CFI: variants seen among roughly 807,000 people sequenced by gnomAD.
The protein encoded by CFI is C3B/C4B inactivator.
In CFI, 66 loss-of-function variants were observed where a neutral mutation model predicts 78.8. The observed-to-expected ratio is 0.84, with a 90% CI of 0.69 to 1.03. The LOEUF is 1.03. Ranked by LOEUF, CFI falls within the 50% of genes least tolerant of loss-of-function variation. The probability of loss-of-function intolerance (pLI) is 0.00; values close to 1 mark genes in which losing one functional copy is unlikely to be tolerated. For missense variants in CFI, 706 were observed against 704.5 expected (o/e 1.00, Z -0.02); for synonymous variants, 250 against 232.6 (o/e 1.07, Z -0.68).
chr4:109,737,159 T>G (rs10031107), downstream of CFI, among the ~76,000 whole-genome samples: 2,411 of 152,218 alleles, frequency 0.016, 57 homozygotes, highest in African/African-American at 0.056. Context: ...TTCCAATACA[T>G]CTTCCTTGCT....
chr4:109,762,879 G>A (rs1158598264), intron 3 of CFI, among the ~76,000 whole-genome samples: 1 of 152,162 alleles, frequency 6.6e-6, no homozygotes, highest in African/African-American at 2.4e-5. Context: ...GTCTGTTCAT[G>A]AGCTTATGCA....
downstream of CFI, among the ~76,000 whole-genome samples, chr4:109,739,246 A>ATGTC (rs1319091396): frequency 2.0e-5 from 3 of 151,958 alleles, no homozygotes; most frequent in Non-Finnish European, 4.4e-5. Context: ...TGAAACATAT[A>ATGTC]TGTCTGTCTT....
At chr4:109,794,605 C>G (rs374079418) in intron 1 of CFI, among the ~76,000 whole-genome samples, 86 of 152,074 alleles carry the variant, frequency 5.7e-4, no homozygotes, top group African/African-American at 2.0e-3. Flanking sequence ...CCAGCCTGGC[C>G]AACATGGTGA....
chr4:109,772,580 CG>C (rs1299141146), intron 1 of CFI, among the ~76,000 whole-genome samples: 3 of 130,926 alleles, frequency 2.3e-5, no homozygotes, highest in African/African-American at 8.9e-5. Context: ...TGAATTTGAT[CG>C]TTTTTTTTTT....
In CFI at chr4:109,746,415, C is replaced by T; in HGVS notation, c.1236G>A (p.Val412=). The T allele has an allele frequency of 6.2e-7, 1 of 1,613,718 alleles. No individual in the cohort carries two copies. The highest frequency in any genetic ancestry group is 2.2e-5 in the East Asian group (1 of 44,876). ...PDLKRIVIEY[V]DRIIFHENYN... Reference sequence around the variant, plus strand: ...AGTTTTCATGGAAAATAATTCTATCCACGTATTCAATTACTATACGTTTAA... The same window carrying T: ...AGTTTTCATGGAAAATAATTCTATCTACGTATTCAATTACTATACGTTTAA... Residue 412 remains valine (V), a synonymous_variant, in exon 11 of 13, where the codon GTG becomes GTA. Coordinates refer to ENST00000394634, the MANE Select transcript of CFI (RefSeq NM_000204.5).
intron 1 of CFI, chr4:109,794,211 T>C (rs1731754152): frequency 6.6e-6 from 1 of 152,192 alleles, no homozygotes; most frequent in South Asian, 2.1e-4. Context: ...CCATTATTTC[T>C]TCATATATTC....
At chr4:109,732,382 A>T in the CFI span, among the ~76,000 whole-genome samples, 1 of 152,176 alleles carries the variant, frequency 6.6e-6, no homozygotes. Context: ...TTATTTTCAC[A>T]TTCTTTTCAC....
At chr4:109,757,967 A>G in intron 6 of CFI, 184 bp from the exon 7 acceptor site, 1 of 1,457,374 alleles carries the variant, frequency 6.9e-7, no homozygotes, top group South Asian at 1.3e-5. Context: ...CTGCTAAAAC[A>G]AAAAACAAAA....
chr4:109,760,474 T>C (rs976423733), intron 5 of CFI, 49 bp downstream of exon 5: 4 of 1,485,934 alleles, frequency 2.7e-6, no homozygotes, highest in Middle Eastern at 1.7e-4. Flanking sequence ...TTTCCTCTTT[T>C]AGTCAGAAAA....
downstream of CFI, among the ~76,000 whole-genome samples, chr4:109,736,702 G>C (rs982909849): frequency 3.3e-5 from 5 of 152,180 alleles, no homozygotes; most frequent in African/African-American, 1.2e-4. Flanking sequence ...AACCCACTTA[G>C]TTGAGACTGC....
chr4:109,792,783 G>A (rs184804468), intron 1 of CFI, among the ~76,000 whole-genome samples: 2 of 152,186 alleles, frequency 1.3e-5, no homozygotes, highest in Admixed American at 1.3e-4. Context: ...TCTGGTATTA[G>A]TATAGCCACT....
At chr4:109,757,218 T>C (rs1726430496) in intron 7 of CFI, among the ~76,000 whole-genome samples, 1 of 151,516 alleles carries the variant, frequency 6.6e-6, no homozygotes, top group Non-Finnish European at 1.5e-5. Flanking sequence ...GTATTTTTAG[T>C]AGAGATGGGG....
At chr4:109,799,031 G>A (rs1168803444) in intron 1 of CFI, among the ~76,000 whole-genome samples, 2 of 152,016 alleles carry the variant, frequency 1.3e-5, no homozygotes, top group Non-Finnish European at 1.5e-5. Flanking sequence ...CTTCATACTT[G>A]CACTGAACTT....
chr4:109,755,263 G>A (rs543677022), intron 7 of CFI, among the ~76,000 whole-genome samples: 3 of 152,244 alleles, frequency 2.0e-5, no homozygotes, highest in Admixed American at 1.3e-4. Flanking sequence ...GGAGAAACAC[G>A]CTTGATGTTG....
At chr4:109,787,420 T>C (rs1730876980) in intron 1 of CFI, among the ~76,000 whole-genome samples, 1 of 152,042 alleles carries the variant, frequency 6.6e-6, no homozygotes, top group South Asian at 2.1e-4. Flanking sequence ...GCTGCCCGTT[T>C]TGCATTGTAC....
downstream of CFI, chr4:109,740,682 T>A (rs767070803): frequency 3.3e-6 from 2 of 610,320 alleles, no homozygotes; most frequent in South Asian, 3.5e-5. Flanking sequence ...AATTTTCTGA[T>A]AAATAAAACT....
At chr4:109,771,601 C>T (rs1171885220) in intron 1 of CFI, among the ~76,000 whole-genome samples, 1 of 149,520 alleles carries the variant, frequency 6.7e-6, no homozygotes. Context: ...GTAATCCCAG[C>T]TACTCAGGAG....
At chr4:109,776,328 C>T (rs1246218145) in intron 1 of CFI, among the ~76,000 whole-genome samples, 1 of 152,120 alleles carries the variant, frequency 6.6e-6, no homozygotes. Context: ...GATGCATGCA[C>T]AAGCTTCAGT....
At chr4:109,742,938 C>G (rs1025459201) in intron 11 of CFI, among the ~76,000 whole-genome samples, 1 of 152,150 alleles carries the variant, frequency 6.6e-6, no homozygotes, top group Non-Finnish European at 1.5e-5. Context: ...TAAATACCTC[C>G]TATCTTCTCA....
Sources: gnomAD v4.1 joint callset for allele counts (sites outside exome capture counted in the v4.1 genomes callset) on GRCh38, gnomAD v4.1.1 for gene constraint, MANE v1.5 for transcripts, NCBI Gene and HGNC (gene_info 2026-07-23, HGNC 2026-07-21) for gene names.